Variants in ALDH1A2 observed in about 807,000 individuals in gnomAD.
The protein encoded by ALDH1A2 is aldehyde dehydrogenase 1 family member A2.
In ALDH1A2, 27 loss-of-function variants were observed where a neutral mutation model predicts 60.3. The ratio of observed to expected loss-of-function variants is 0.45; its 90% CI spans 0.33 to 0.62. The LOEUF (loss-of-function observed/expected upper bound fraction) is 0.62. Ranked by LOEUF, ALDH1A2 falls within the 20% of genes least tolerant of loss-of-function variation. ALDH1A2 has a pLI of 0.02. For synonymous variants in ALDH1A2, 289 were observed against 232.4 expected, an observed-to-expected ratio of 1.24 and a Z score of -2.21; for missense variants, 581 against 643.8, an observed-to-expected ratio of 0.90 and a Z score of 1.06.
At chr15:58,065,119 C>A (rs962615085) in intron 1 of ALDH1A2, 1 of 287,474 alleles carries the variant, frequency 3.5e-6, no homozygotes, top group Non-Finnish European at 6.8e-6. Context: ...AGCCGAGGGG[C>A]CCGGAAGGCG....
intron 1 of ALDH1A2, among the ~76,000 whole-genome samples, chr15:58,059,220 AC>A (rs1213155270): frequency 6.6e-6 from 1 of 152,238 alleles, no homozygotes; most frequent in Non-Finnish European, 1.5e-5. Context: ...TTAAAAATTA[AC>A]CCAGGTGACA....
chr15:58,020,390 C>T (rs934895369), intron 1 of ALDH1A2, among the ~76,000 whole-genome samples: 1 of 152,218 alleles, frequency 6.6e-6, no homozygotes, highest in East Asian at 1.9e-4. Context: ...AACATCTTTC[C>T]TGATATGGTC....
At position 58,045,081 on chromosome 15, in the gene ALDH1A2, G is replaced by A. The variant is rs151168864; in HGVS notation, c.117+20453C>T. 6.4e-3 allele frequency among the ~76,000 whole-genome samples: 975 copies of A among 152,116 alleles called. 7 individuals carry two copies. Among genetic ancestry groups the A allele is most frequent in the Non-Finnish European group, 0.011 (778 of 67,978 alleles). On this transcript the variant is annotated intron_variant, in intron 1 of 12. Coordinates refer to ENST00000249750, the MANE Select transcript of ALDH1A2 (RefSeq NM_003888.4). ...AACAAACAACCCCATTAAAAAGTGG[G>A]CAAAGCATATGAACAGAGACTTCTC... is the stretch of plus-strand genomic sequence containing the variant.
chr15:58,021,363 C>A (rs181372183), intron 1 of ALDH1A2, among the ~76,000 whole-genome samples: 1 of 152,178 alleles, frequency 6.6e-6, no homozygotes, highest in East Asian at 1.9e-4. Context: ...CAGGAAGCAC[C>A]AAAAGTAAGA....
At chr15:57,989,999 CAA>C in intron 7 of ALDH1A2, among the ~76,000 whole-genome samples, 1 of 25,472 alleles carries the variant, frequency 3.9e-5, no homozygotes, top group East Asian at 7.5e-4. Context: ...GACTCCGTCT[CAA>C]AAAAAAAAAA....
chr15:57,982,460 A>G (rs1457848225), intron 7 of ALDH1A2, among the ~76,000 whole-genome samples: 1 of 152,188 alleles, frequency 6.6e-6, no homozygotes, highest in African/African-American at 2.4e-5. Context: ...GTGATATACT[A>G]TTCTGTCAAA....
rs148960183 is a variant in ALDH1A2, at chr15:57,978,666, G to C, written c.799-12839C>G. Among the ~76,000 whole-genome samples the C allele has an allele frequency of 3.3e-3, 499 of 152,310 alleles. 6 individuals carry two copies. Among genetic ancestry groups the C allele is most frequent in the African/African-American group, 0.011 (467 of 41,564 alleles). On this transcript the variant is annotated intron_variant, in intron 7 of 12. Transcript: ENST00000249750. ...GTGGGGGGTCCCTGTGCAGTACTTG[G>C]AGGGGCATGTGGCCGGGGGAGATGG...
chr15:58,012,644 T>G (rs1895667651), intron 3 of ALDH1A2, among the ~76,000 whole-genome samples: 1 of 152,160 alleles, frequency 6.6e-6, no homozygotes, highest in Admixed American at 6.5e-5. Context: ...AGTGCCAGAT[T>G]AGAAAATATT....
Position 58,065,528 on chromosome 15 carries a change from G to A in ALDH1A2, c.117+6C>T, listed in dbSNP as rs762642171. The stretch of plus-strand genomic sequence containing the variant: ...CGTGGACGACGGGCGCTGGGCGGCC[G>A]CTTACCTTGGTGTACTTAATTTCGA... On this transcript the variant is annotated splice_donor_region_variant and intron_variant, in intron 1 of 12. Transcript: ENST00000249750. The A allele has an allele frequency of 3.1e-6, 5 of 1,608,882 alleles. No homozygotes were observed. Among genetic ancestry groups the A allele is most frequent in the Admixed American group, 1.7e-5 (1 of 59,982 alleles).
intron 1 of ALDH1A2, among the ~76,000 whole-genome samples, chr15:58,023,167 T>C (rs1774461539): frequency 6.6e-6 from 1 of 151,774 alleles, no homozygotes; most frequent in South Asian, 2.1e-4. Context: ...CAAATAGAAA[T>C]CTGGAACAGA....
chr15:57,994,774 A>T (rs534536038), intron 5 of ALDH1A2, among the ~76,000 whole-genome samples: 11 of 152,226 alleles, frequency 7.2e-5, no homozygotes, highest in African/African-American at 2.2e-4. Context: ...CAAAGCATTA[A>T]TTTTCCATAA....
intron 1 of ALDH1A2, among the ~76,000 whole-genome samples, chr15:58,032,444 A>G (rs1429656881): frequency 6.6e-6 from 1 of 152,164 alleles, no homozygotes; most frequent in Non-Finnish European, 1.5e-5. Context: ...AACATGGCAC[A>G]TGTATACATA....
chr15:57,965,101 G>A (rs1461933236), intron 8 of ALDH1A2, among the ~76,000 whole-genome samples: 1 of 152,066 alleles, frequency 6.6e-6, no homozygotes, highest in Non-Finnish European at 1.5e-5. Flanking sequence ...TGTGCAGAAT[G>A]GCCTAGGTGG....
At chr15:57,982,037 C>A (rs1464972292) in intron 7 of ALDH1A2, among the ~76,000 whole-genome samples, 1 of 152,184 alleles carries the variant, frequency 6.6e-6, no homozygotes, top group African/African-American at 2.4e-5. Flanking sequence ...TGTGCAATCT[C>A]AAGCCCTTTT....
In ALDH1A2 at chr15:57,995,971, T is replaced by G. The variant is rs35471353; in HGVS notation, c.494-832A>C. ...CAAAGAATGGCTCATTTTTAGCAGA[T>G]AGCTTTTCATTTTAAATACTGGGCA... On this transcript the variant is annotated intron_variant, in intron 4 of 12. Transcript: ENST00000249750. Among the ~76,000 whole-genome samples, 828 of 152,262 alleles carry G rather than the reference T, an allele frequency of 5.4e-3. 7 individuals are homozygous for G. The highest frequency in any genetic ancestry group is 0.024 in the Middle Eastern group (7 of 294).
chr15:58,044,268 G>A (rs114064904), intron 1 of ALDH1A2, among the ~76,000 whole-genome samples: 2,117 of 151,984 alleles, frequency 0.014, 56 homozygotes, highest in African/African-American at 0.047. Flanking sequence ...TTTAAACCCT[G>A]TGCACATTAG....
chr15:58,029,205 A>C (rs1280710598), intron 1 of ALDH1A2, among the ~76,000 whole-genome samples: 2 of 152,340 alleles, frequency 1.3e-5, no homozygotes, highest in East Asian at 3.9e-4. Flanking sequence ...CTCTCAGACC[A>C]CAGTGCAATC....
rs1373105792 is a variant in ALDH1A2, at chr15:58,041,385, C to G, written c.117+24149G>C. Among the ~76,000 whole-genome samples, 2 of 151,872 alleles carry G rather than the reference C, an allele frequency of 1.3e-5. 1 individual carries two copies. Among genetic ancestry groups the G allele is most frequent in the Non-Finnish European group, 2.9e-5 (2 of 67,896 alleles). On this transcript the variant is annotated intron_variant, in intron 1 of 12. Transcript: ENST00000249750. Reference sequence around the variant, plus strand: ...CGCCATAAAATGAGGAGCATGATAACTTAAAATCTGTGGATCTAAGTCTCT... The same window carrying G: ...CGCCATAAAATGAGGAGCATGATAAGTTAAAATCTGTGGATCTAAGTCTCT...
intron 4 of ALDH1A2, among the ~76,000 whole-genome samples, chr15:58,010,188 C>A (rs4646594): frequency 0.46 from 69,265 of 151,924 alleles, 16,374 homozygotes; most frequent in Non-Finnish European, 0.53. Context: ...ATTAAAAAGA[C>A]ACTGAAAATC....
Sources: allele counts gnomAD v4.1 joint callset (sites outside exome capture counted in the v4.1 genomes callset), GRCh38; gene constraint gnomAD v4.1.1; transcripts MANE v1.5; gene names NCBI Gene and HGNC (gene_info 2026-07-23, HGNC 2026-07-21).